Variants in LRP1B observed in about 807,000 individuals in gnomAD.
The protein encoded by LRP1B is LDL receptor related protein 1B.
In LRP1B, 217 loss-of-function variants were observed where a neutral mutation model predicts 556.6. The observed-to-expected ratio is 0.39, with a 90% confidence interval of 0.35 to 0.44. The LOEUF is 0.44. Among genes scored for constraint, LRP1B ranks in the 20% least tolerant of loss-of-function variants. The pLI, the probability that LRP1B is intolerant of heterozygous loss-of-function variation, is 1.00. For synonymous variants in LRP1B, 2,047 were observed against 1,865.8 expected (o/e 1.10, Z -2.50); for missense variants, 5,053 against 5,620.8 (o/e 0.90, Z 3.23).
At chr2:140,291,329 AC>A (rs1683380574) in intron 84 of LRP1B, among the ~76,000 whole-genome samples, 3 of 19,602 alleles carry the variant, frequency 1.5e-4, no homozygotes, top group African/African-American at 2.0e-4. Flanking sequence ...TTTTTATTAT[AC>A]TTTAAGTTCT....
At chr2:141,094,154 C>G (rs1047831193) in intron 7 of LRP1B, among the ~76,000 whole-genome samples, 5 of 152,118 alleles carry the variant, frequency 3.3e-5, no homozygotes, top group Non-Finnish European at 7.4e-5. Context: ...TTATAAAGGT[C>G]TATGGCTATT....
intron 2 of LRP1B, among the ~76,000 whole-genome samples, chr2:141,591,602 G>C (rs1687343180): frequency 1.3e-5 from 2 of 151,626 alleles, no homozygotes; most frequent in South Asian, 2.1e-4. Context: ...GTGTGTGTGT[G>C]TGTGTGTCTG....
At chr2:141,254,217 T>C (rs1684375641) in intron 4 of LRP1B, among the ~76,000 whole-genome samples, 1 of 152,172 alleles carries the variant, frequency 6.6e-6, no homozygotes. Flanking sequence ...ACTGCAGCTA[T>C]ATAACAGCCA....
chr2:140,491,708 TTAAA>T (rs1172068107), intron 57 of LRP1B, among the ~76,000 whole-genome samples: 23 of 152,168 alleles, frequency 1.5e-4, no homozygotes, highest in Admixed American at 1.5e-3. Flanking sequence ...TATTTATGTC[TTAAA>T]TAGTTGTTCA....
At chr2:142,116,025 G>A (rs1270869185) in intron 1 of LRP1B, among the ~76,000 whole-genome samples, 70 of 144,134 alleles carry the variant, frequency 4.9e-4, no homozygotes, top group African/African-American at 1.7e-3. Flanking sequence ...GGGAGCAGGC[G>A]GCCAACATGG....
intron 1 of LRP1B, among the ~76,000 whole-genome samples, chr2:142,064,984 G>C (rs1027393992): frequency 2.7e-5 from 1 of 37,684 alleles, no homozygotes; most frequent in Non-Finnish European, 8.8e-5. Flanking sequence ...ATAGAGGAGA[G>C]TGAAAAATTA....
chr2:140,400,798 A>C (rs1684464137), intron 66 of LRP1B, among the ~76,000 whole-genome samples: 2 of 152,110 alleles, frequency 1.3e-5, no homozygotes, highest in Admixed American at 6.5e-5. Context: ...AAAAACTCTT[A>C]AGTACCCAGA....
chr2:141,442,335 AATAG>A, intron 3 of LRP1B, among the ~76,000 whole-genome samples: 1 of 152,236 alleles, frequency 6.6e-6, no homozygotes, highest in South Asian at 2.1e-4. Flanking sequence ...TTTATAGTAT[AATAG>A]ATAAATAACA....
intron 35 of LRP1B, among the ~76,000 whole-genome samples, chr2:140,738,640 T>C (rs1366936207): frequency 6.6e-6 from 1 of 152,036 alleles, no homozygotes; most frequent in Non-Finnish European, 1.5e-5. Flanking sequence ...TTGAGAAAAA[T>C]TTCTTAGAAT....
At chr2:141,172,723 T>C (rs945082674) in intron 7 of LRP1B, among the ~76,000 whole-genome samples, 3 of 152,048 alleles carry the variant, frequency 2.0e-5, no homozygotes, top group Admixed American at 2.0e-4. Flanking sequence ...CTGATATATA[T>C]ATAAGTCTGT....
chr2:141,610,613 C>T (rs566065696), intron 2 of LRP1B, among the ~76,000 whole-genome samples: 19 of 152,262 alleles, frequency 1.2e-4, no homozygotes, highest in African/African-American at 4.3e-4. Flanking sequence ...GCATCCTGCG[C>T]GTAACCTCGT....
intron 77 of LRP1B, among the ~76,000 whole-genome samples, chr2:140,342,002 T>A (rs1401094389): frequency 2.0e-5 from 3 of 151,226 alleles, no homozygotes; most frequent in Non-Finnish European, 4.4e-5. Context: ...AAATATGGAA[T>A]CTAAAAAACC....
At chr2:142,009,942 G>C in intron 1 of LRP1B, among the ~76,000 whole-genome samples, 1 of 152,000 alleles carries the variant, frequency 6.6e-6, no homozygotes, top group East Asian at 1.9e-4. Flanking sequence ...ATACATGTAT[G>C]TATATACTGT....
intron 2 of LRP1B, among the ~76,000 whole-genome samples, chr2:141,586,326 G>T (rs1203818654): frequency 1.3e-5 from 2 of 152,006 alleles, no homozygotes; most frequent in African/African-American, 4.8e-5. Flanking sequence ...GTCTTACTGA[G>T]ATTTTCATTT....
chr2:141,928,344 C>T (rs140024252), intron 1 of LRP1B, among the ~76,000 whole-genome samples: 15 of 152,006 alleles, frequency 9.9e-5, no homozygotes, highest in East Asian at 1.9e-4. Context: ...CACAGAAGTA[C>T]GCAAATATTT....
At chr2:141,037,239 C>A (rs1366482837) in intron 11 of LRP1B, among the ~76,000 whole-genome samples, 1 of 151,962 alleles carries the variant, frequency 6.6e-6, no homozygotes, top group Non-Finnish European at 1.5e-5. Flanking sequence ...GCTTTGGCTC[C>A]GTAAAGGTAA....
intron 48 of LRP1B, 63 bp downstream of exon 48, chr2:140,526,174 G>T: frequency 6.8e-7 from 1 of 1,480,712 alleles, no homozygotes. Context: ...ATCTTGCACA[G>T]TGTTCAATGC....
chr2:141,906,369 A>G (rs985243464), intron 1 of LRP1B, among the ~76,000 whole-genome samples: 1 of 151,994 alleles, frequency 6.6e-6, no homozygotes, highest in Non-Finnish European at 1.5e-5. Flanking sequence ...AATTCACCAT[A>G]CTGGATTATG....
chr2:141,478,369 C>T (rs1205749140), intron 3 of LRP1B, among the ~76,000 whole-genome samples: 3 of 152,052 alleles, frequency 2.0e-5, no homozygotes, highest in Non-Finnish European at 4.4e-5. Flanking sequence ...ACATATCTAT[C>T]TGAAAATTCA....
Sources: gnomAD v4.1 joint callset for allele counts (sites outside exome capture counted in the v4.1 genomes callset) on GRCh38, gnomAD v4.1.1 for gene constraint, MANE v1.5 for transcripts, NCBI Gene and HGNC (gene_info 2026-07-23, HGNC 2026-07-21) for gene names.